Variants in YES1 observed in about 807,000 individuals in gnomAD.
YES1 encodes the protein YES proto-oncogene 1, Src family tyrosine kinase, also known as tyrosine-protein kinase Yes.
YES1 carries 39 observed loss-of-function variants against 70.4 expected under a neutral mutation model. The ratio of observed to expected loss-of-function variants is 0.55; its 90% confidence interval spans 0.43 to 0.72. YES1 has a LOEUF of 0.72. Among genes scored for constraint, YES1 ranks in the 30% least tolerant of loss-of-function variants. The pLI, the probability that YES1 is intolerant of heterozygous loss-of-function variation, is 0.00. For missense variants in YES1, 495 were observed against 644.8 expected (o/e 0.77, Z 2.52); for synonymous variants, 198 against 218.6 (o/e 0.91, Z 0.83).
chr18:793,150 C>T (rs761978136), intron 1 of YES1, among the ~76,000 whole-genome samples: 12 of 151,740 alleles, frequency 7.9e-5, no homozygotes, highest in Non-Finnish European at 1.5e-4. Context: ...AGCGATACTC[C>T]TGCCTCAGCC....
rs1447421830 is a variant in YES1, at chr18:745,560, TCCTC to T, written c.724+144_724+147del. 4 of 759,432 alleles carry T rather than the reference TCCTC, an allele frequency of 5.3e-6. No individual in the cohort carries two copies. In the East Asian group the frequency reaches 1.0e-4, roughly 20 times the overall value. 47.0% of individuals were successfully genotyped at this position (759,432 alleles called of 1,614,324 possible). On this transcript the variant is annotated intron_variant, in intron 6 of 11. Coordinates refer to ENST00000314574, the MANE Select transcript of YES1 (RefSeq NM_005433.4). ...AATGCAAGTACTAAGTATTACCTGTTCCTCCCTTTAGAATACAACAGACATTTAT... is the reference window on the plus strand; with the variant it reads ...AATGCAAGTACTAAGTATTACCTGTTCCTTTAGAATACAACAGACATTTAT...
intron 1 of YES1, among the ~76,000 whole-genome samples, chr18:795,855 G>A (rs1906514287): frequency 6.6e-6 from 1 of 150,874 alleles, no homozygotes; most frequent in African/African-American, 2.4e-5. Context: ...AAACACCATG[G>A]CACATGTGTA....
chr18:771,571 T>G (rs776660464), intron 1 of YES1, among the ~76,000 whole-genome samples: 171 of 152,196 alleles, frequency 1.1e-3, no homozygotes, highest in Non-Finnish European at 2.3e-3. Flanking sequence ...TTTTTTGTGA[T>G]GGGGTTTCAC....
At chr18:764,885 A>G (rs1188309054) in intron 1 of YES1, among the ~76,000 whole-genome samples, 2 of 151,772 alleles carry the variant, frequency 1.3e-5, no homozygotes, top group Non-Finnish European at 2.9e-5. Flanking sequence ...GGTGCACACC[A>G]CCACACCCGG....
chr18:731,524 T>G (rs1302167543), intron 11 of YES1, among the ~76,000 whole-genome samples: 1 of 152,084 alleles, frequency 6.6e-6, no homozygotes, highest in Admixed American at 6.6e-5. Flanking sequence ...AGCAAAACAG[T>G]TTTTCCTAAA....
At chr18:806,555 C>G (rs551799812) in intron 1 of YES1, among the ~76,000 whole-genome samples, 1 of 152,290 alleles carries the variant, frequency 6.6e-6, no homozygotes, top group South Asian at 2.1e-4. Context: ...GAACCACATC[C>G]CTACATACAA....
At position 790,121 on chromosome 18, in the gene YES1, A is replaced by C. The variant is rs544344674; in HGVS notation, c.-9+21993T>G. On this transcript the variant is annotated intron_variant, in intron 1 of 11. Transcript: ENST00000314574. ...CTGAGTGCAGTGGCTCATGCCTGTA[A>C]TCTCAGCACTTTGGGAGACCAAGGT... 2.6e-5 allele frequency among the ~76,000 whole-genome samples: 4 copies of C among 152,346 alleles called. No homozygotes were observed. In the East Asian group the frequency reaches 7.7e-4, roughly 29 times the overall value.
Position 727,425 on chromosome 18 carries a change from G to C in YES1, c.1424-2793C>G, listed in dbSNP as rs1272158629. On this transcript the variant is annotated intron_variant, in intron 11 of 11. Coordinates refer to ENST00000314574, the MANE Select transcript of YES1 (RefSeq NM_005433.4). ...AAATCCAGTCTTATCTTTTTTTATT[G>C]GAATGTTTAGTGTACCTAAATGTCA... Among the ~76,000 whole-genome samples, 3 of 151,902 alleles carry C rather than the reference G, an allele frequency of 2.0e-5. No homozygotes were observed. In the East Asian group the frequency reaches 5.8e-4, roughly 29 times the overall value.
chr18:750,383 G>C (rs1042258679), intron 3 of YES1, among the ~76,000 whole-genome samples: 1 of 152,118 alleles, frequency 6.6e-6, no homozygotes, highest in Non-Finnish European at 1.5e-5. Flanking sequence ...TCTAGAGCTG[G>C]GTTTTCCAAC....
At chr18:780,660 T>C (rs752243502) in intron 1 of YES1, among the ~76,000 whole-genome samples, 2 of 152,328 alleles carry the variant, frequency 1.3e-5, no homozygotes, top group South Asian at 2.1e-4. Context: ...ATATGGCCAA[T>C]TGGTCACCAG....
intron 2 of YES1, among the ~76,000 whole-genome samples, chr18:755,078 A>C (rs1307874541): frequency 1.3e-5 from 2 of 152,208 alleles, no homozygotes; most frequent in East Asian, 3.8e-4. Context: ...TCTTTCCCAA[A>C]CATAACTCTA....
At chr18:757,460 G>A (rs1453247642) in intron 1 of YES1, among the ~76,000 whole-genome samples, 28 of 144,162 alleles carry the variant, frequency 1.9e-4, no homozygotes, top group African/African-American at 2.6e-4. Context: ...CAGAGATCGC[G>A]CCACTGCACT....
chr18:773,610 T>C (rs1905247273), intron 1 of YES1, among the ~76,000 whole-genome samples: 1 of 152,120 alleles, frequency 6.6e-6, no homozygotes, highest in Non-Finnish European at 1.5e-5. Flanking sequence ...GGTCAGGCAT[T>C]CTCTTCTCTT....
intron 11 of YES1, 32 bp downstream of exon 11, chr18:732,800 TGA>T (rs972802826): frequency 6.2e-7 from 1 of 1,610,380 alleles, no homozygotes. Context: ...AAGCCACTCA[TGA>T]GATAACCAAG....
At position 723,847 on chromosome 18, in the gene YES1, G is replaced by C. The variant is rs1398751008; in HGVS notation, c.*577C>G. On this transcript the variant is annotated 3_prime_UTR_variant, in exon 12 of 12. Coordinates refer to ENST00000314574, the MANE Select transcript of YES1 (RefSeq NM_005433.4). The stretch of plus-strand genomic sequence containing the variant: ...TGTGGTCTAACATTTAATCAAGTTT[G>C]AGATCCTGTTTATATTCCTTTTGAA... 1 of 153,276 alleles carries C rather than the reference G, an allele frequency of 6.5e-6. No individual in the cohort carries two copies. The highest frequency in any genetic ancestry group is 1.5e-5 in the Non-Finnish European group (1 of 68,532). The allele number at this position is 153,276 out of a possible 1,614,324, so 9.5% of individuals were successfully genotyped here.
chr18:805,184 C>G (rs569616670), intron 1 of YES1, among the ~76,000 whole-genome samples: 2 of 152,142 alleles, frequency 1.3e-5, no homozygotes, highest in East Asian at 1.9e-4. Context: ...TGTACTTACA[C>G]AAACCTACGT....
chr18:792,298 C>A (rs2145818627), intron 1 of YES1, among the ~76,000 whole-genome samples: 1 of 151,878 alleles, frequency 6.6e-6, no homozygotes, highest in East Asian at 1.9e-4. Context: ...AGTGAGACTT[C>A]ATCTCGAAAA....
intron 1 of YES1, among the ~76,000 whole-genome samples, chr18:778,960 A>AT (rs1177733981): frequency 6.6e-6 from 1 of 152,124 alleles, no homozygotes; most frequent in Non-Finnish European, 1.5e-5. Context: ...AATGGTACCA[A>AT]TTTTTTACCA....
At chr18:808,005 GA>G (rs1279921895) in intron 1 of YES1, among the ~76,000 whole-genome samples, 1 of 152,208 alleles carries the variant, frequency 6.6e-6, no homozygotes, top group African/African-American at 2.4e-5. Flanking sequence ...ATTTGGGGGG[GA>G]AAAGGAGTTG....
Sources: gnomAD v4.1 joint callset for allele counts (sites outside exome capture counted in the v4.1 genomes callset) on GRCh38, gnomAD v4.1.1 for gene constraint, MANE v1.5 for transcripts, NCBI Gene and HGNC (gene_info 2026-07-23, HGNC 2026-07-21) for gene names.